The following STARD13 variants were observed in gnomAD, a reference collection of about 807,000 sequenced individuals.
STARD13 encodes the protein StAR related lipid transfer domain containing 13, also known as stAR-related lipid transfer protein 13.
In STARD13, 62 loss-of-function variants were observed where a neutral mutation model predicts 106.4. The observed-to-expected ratio is 0.58, with a 90% CI of 0.48 to 0.72. STARD13 has a LOEUF of 0.72. STARD13 is among the 30% of genes least tolerant of loss of function. The pLI is 0.00. For synonymous variants in STARD13, 565 were observed against 553.0 expected, an observed-to-expected ratio of 1.02 and a Z score of -0.31; for missense variants, 1,387 against 1,424.0, an observed-to-expected ratio of 0.97 and a Z score of 0.42.
intron 1 of STARD13, chr13:33,281,016 G>A (rs749191967): frequency 3.3e-5 from 5 of 152,156 alleles, no homozygotes; most frequent in Non-Finnish European, 7.3e-5. Context: ...AAGCCGCTCT[G>A]TTGCCTTTTT....
At chr13:33,586,559 C>G in the STARD13 span, among the ~76,000 whole-genome samples, 1 of 152,148 alleles carries the variant, frequency 6.6e-6, no homozygotes, top group East Asian at 1.9e-4. Flanking sequence ...GGATAATATT[C>G]TGAGACAGGC....
chr13:33,141,976 C>T (rs1402779112), intron 4 of STARD13, among the ~76,000 whole-genome samples: 1 of 152,184 alleles, frequency 6.6e-6, no homozygotes, highest in Non-Finnish European at 1.5e-5. Context: ...TGAAATGGGA[C>T]ATGGAGAATA....
the STARD13 span, among the ~76,000 whole-genome samples, chr13:33,454,414 C>T: frequency 6.6e-6 from 1 of 152,202 alleles, no homozygotes; most frequent in Non-Finnish European, 1.5e-5. Flanking sequence ...ATCTCTTGCA[C>T]ATCTAATCCT....
intron 4 of STARD13, among the ~76,000 whole-genome samples, chr13:33,141,630 C>T (rs1879843638): frequency 6.6e-6 from 1 of 152,084 alleles, no homozygotes. Flanking sequence ...CACACCGTCC[C>T]TGGGCCCCCT....
At chr13:33,414,032 C>CAAAAAAAAAAAA in the STARD13 span, among the ~76,000 whole-genome samples, 13 of 48,104 alleles carry the variant, frequency 2.7e-4, no homozygotes, top group African/African-American at 1.0e-3. Context: ...GATTCCCTCT[C>CAAAAAAAAAAAA]AAAAAAAAAA....
chr13:33,132,927 A>G (rs1878523153), intron 4 of STARD13, among the ~76,000 whole-genome samples: 1 of 152,210 alleles, frequency 6.6e-6, no homozygotes, highest in African/African-American at 2.4e-5. Context: ...TATGAGGGTC[A>G]TTTATACACA....
chr13:33,379,564 A>C, the STARD13 span, among the ~76,000 whole-genome samples: 1 of 152,220 alleles, frequency 6.6e-6, no homozygotes, highest in African/African-American at 2.4e-5. Flanking sequence ...CTGTTCTCTC[A>C]CTGGGAAGGC....
the STARD13 span, among the ~76,000 whole-genome samples, chr13:33,615,390 A>T: frequency 6.6e-6 from 1 of 152,216 alleles, no homozygotes; most frequent in African/African-American, 2.4e-5. Context: ...ACTGGACTGG[A>T]CATATGGATT....
intron 1 of STARD13, among the ~76,000 whole-genome samples, chr13:33,187,775 C>A (rs572473115): frequency 6.6e-6 from 1 of 152,256 alleles, no homozygotes; most frequent in South Asian, 2.1e-4. Context: ...CTCCGCCTCC[C>A]AGGTTCAAAT....
the STARD13 span, among the ~76,000 whole-genome samples, chr13:33,654,022 G>C: frequency 6.6e-6 from 1 of 152,112 alleles, no homozygotes. Context: ...AAAAAAGACA[G>C]ACAATAACAA....
chr13:33,656,439 CT>C, the STARD13 span, among the ~76,000 whole-genome samples: 1 of 151,996 alleles, frequency 6.6e-6, no homozygotes, highest in Non-Finnish European at 1.5e-5. Flanking sequence ...TTTTGTTTGC[CT>C]TAAAAATATT....
chr13:33,537,930 T>C, the STARD13 span, among the ~76,000 whole-genome samples: 1 of 152,102 alleles, frequency 6.6e-6, no homozygotes, highest in Non-Finnish European at 1.5e-5. Context: ...AACTAGGGCA[T>C]TGCCTAGGAA....
In STARD13 at chr13:33,129,615, G is replaced by A. The variant is rs146699264; in HGVS notation, c.1062C>T (p.His354=). The A allele has an allele frequency of 3.9e-4, 623 of 1,613,976 alleles. 6 individuals carry two copies. The East Asian group carries it at 0.01, about 27-fold the overall frequency. Residue 354 remains histidine (H), a synonymous_variant, in exon 5 of 14, where the codon CAC becomes CAT. Coordinates refer to ENST00000336934, the MANE Select transcript of STARD13 (RefSeq NM_178006.4). The stretch of plus-strand genomic sequence containing the variant: ...ACATGCCCCCGCGCTTGTTGGCCTC[G>A]TGGCACTTGCGTTCCTTCAGGCAGG... ...STPCLKERKC[H]EANKRGGMYL...
At chr13:33,531,827 G>C in the STARD13 span, among the ~76,000 whole-genome samples, 1 of 151,922 alleles carries the variant, frequency 6.6e-6, no homozygotes, top group Admixed American at 6.6e-5. Flanking sequence ...TGAGAATCTT[G>C]GTTCTCAAGG....
At chr13:33,578,883 C>G in the STARD13 span, among the ~76,000 whole-genome samples, 1 of 152,008 alleles carries the variant, frequency 6.6e-6, no homozygotes, top group South Asian at 2.1e-4. Context: ...AAATAGCCAA[C>G]AAAAATATGA....
chr13:33,546,331 G>A, the STARD13 span, among the ~76,000 whole-genome samples: 2 of 152,132 alleles, frequency 1.3e-5, no homozygotes, highest in African/African-American at 4.8e-5. Flanking sequence ...AGGGGTCTTA[G>A]TTGTTAGAGC....
At chr13:33,192,223 C>T (rs552603540) in intron 1 of STARD13, among the ~76,000 whole-genome samples, 1 of 152,336 alleles carries the variant, frequency 6.6e-6, no homozygotes, top group South Asian at 2.1e-4. Context: ...GCTTTAATTG[C>T]AGTACTTACT....
At chr13:33,627,649 A>C in the STARD13 span, among the ~76,000 whole-genome samples, 2 of 151,972 alleles carry the variant, frequency 1.3e-5, no homozygotes, top group African/African-American at 4.8e-5. Flanking sequence ...AAAAAAAAAA[A>C]AAATGTTCTT....
At chr13:33,548,024 C>T in the STARD13 span, among the ~76,000 whole-genome samples, 1 of 152,128 alleles carries the variant, frequency 6.6e-6, no homozygotes, top group Non-Finnish European at 1.5e-5. Context: ...ATTTTAGATT[C>T]ACTATAACTC....
Sources: gnomAD v4.1 joint callset for allele counts (sites outside exome capture counted in the v4.1 genomes callset) on GRCh38, gnomAD v4.1.1 for gene constraint, MANE v1.5 for transcripts, NCBI Gene and HGNC (gene_info 2026-07-23, HGNC 2026-07-21) for gene names.